Variants in COL4A4 observed in about 807,000 individuals in gnomAD.
COL4A4 encodes the protein collagen alpha-4(IV) chain.
In COL4A4, 105 loss-of-function variants were observed where a neutral mutation model predicts 192.9. The ratio of observed to expected loss-of-function variants is 0.54; its 90% CI spans 0.46 to 0.64. The LOEUF is 0.64. Ranked by LOEUF, COL4A4 falls within the 30% of genes least tolerant of loss-of-function variation. The pLI is 0.00. For synonymous variants in COL4A4, 762 were observed against 769.9 expected (o/e 0.99, Z 0.17); for missense variants, 1,967 against 2,169.3 (o/e 0.91, Z 1.85).
rs547516115 is a variant in COL4A4, at chr2:227,051,656, A to G, written c.2969-498T>C. 4.6e-5 allele frequency among the ~76,000 whole-genome samples: 7 copies of G among 152,348 alleles called. No individual in the cohort carries two copies. The East Asian group carries it at 1.2e-3, about 25-fold the overall frequency. On this transcript the variant is annotated intron_variant, in intron 32 of 47. Coordinates refer to ENST00000396625, the MANE Select transcript of COL4A4 (RefSeq NM_000092.5). ...CTGAATCAGAATCTGCATTTTAACA[A>G]GCTCTCCAGGTGATTAATGTGCTCT... is the stretch of plus-strand genomic sequence containing the variant.
chr2:227,151,517 A>G (rs2063943189), intron 1 of COL4A4, among the ~76,000 whole-genome samples: 1 of 151,218 alleles, frequency 6.6e-6, no homozygotes, highest in Non-Finnish European at 1.5e-5. Context: ...GTAGGTACTA[A>G]TAAAATTTAT....
chr2:227,159,857 A>G (rs2064677995), intron 1 of COL4A4, among the ~76,000 whole-genome samples: 1 of 152,226 alleles, frequency 6.6e-6, no homozygotes. Context: ...TCATGGCAGT[A>G]TGAGAACAGA....
At chr2:227,057,218 A>G (rs993503810) in intron 29 of COL4A4, among the ~76,000 whole-genome samples, 1 of 152,100 alleles carries the variant, frequency 6.6e-6, no homozygotes, top group Non-Finnish European at 1.5e-5. Flanking sequence ...ATGTAATGCA[A>G]CCCACTGTGT....
intron 25 of COL4A4, among the ~76,000 whole-genome samples, chr2:227,064,340 T>C (rs2058163132): frequency 6.6e-6 from 1 of 152,156 alleles, no homozygotes; most frequent in South Asian, 2.1e-4. Context: ...GGCTTTTGAA[T>C]TAACCCAATC....
intron 1 of COL4A4, among the ~76,000 whole-genome samples, chr2:227,151,028 C>T (rs1264449776): frequency 6.6e-6 from 1 of 151,896 alleles, no homozygotes; most frequent in Non-Finnish European, 1.5e-5. Flanking sequence ...ATTTTAGATG[C>T]ATCCAATAAA....
chr2:227,108,771 T>C (rs1366466910), intron 11 of COL4A4, 62 bp downstream of exon 11: 7 of 1,552,272 alleles, frequency 4.5e-6, no homozygotes, highest in East Asian at 4.5e-5. Context: ...CTGACAAATA[T>C]CAGTGGTCAA....
chr2:227,012,228 G>A lies in COL4A4; in HGVS notation c.4286C>T (p.Pro1429Leu). The change falls in exon 45 of 48, where the codon CCC becomes CTC. Residue 1429 changes from proline to leucine, a missense_variant. Transcript: ENST00000396625. ...TTCTCCTGTGTCACCTTTACGTCCGGGAGGCCCAGGAGACCCAGGGACGCC... is the reference window on the plus strand; with the variant it reads ...TTCTCCTGTGTCACCTTTACGTCCGAGAGGCCCAGGAGACCCAGGGACGCC... ...VDGVPGSPGP[P>L]GRKGDTGEDG... 6.2e-7 allele frequency: 1 copy of A among 1,614,064 alleles called. No individual in the cohort carries two copies. The highest frequency in any genetic ancestry group is 2.2e-5 in the East Asian group (1 of 44,874).
chr2:227,135,970 T>C lies in COL4A4; in HGVS notation c.192+4191A>G, dbSNP rs1241165865. Reference sequence around the variant, plus strand: ...CTGAATTTTAGTTTCTTAATTTATGTGTATTAACTGCCTGTTGTGTGCTAT... The same window carrying C: ...CTGAATTTTAGTTTCTTAATTTATGCGTATTAACTGCCTGTTGTGTGCTAT... On this transcript the variant is annotated intron_variant, in intron 4 of 47. Coordinates refer to ENST00000396625, the MANE Select transcript of COL4A4 (RefSeq NM_000092.5). Among the ~76,000 whole-genome samples the C allele has an allele frequency of 2.0e-5, 3 of 152,148 alleles. No homozygotes were observed. The East Asian group carries it at 5.8e-4, about 29-fold the overall frequency.
Position 227,140,170 on chromosome 2 carries a change from C to CT in COL4A4, c.182dup (p.Ser63ValfsTer47). On this transcript the variant is annotated frameshift_variant, in exon 4 of 48. Transcript: ENST00000396625. LOFTEE classifies it high-confidence loss of function. ...TCTTTACATCACTTACCCGAGACCC[C>CT]TTTTCAGGAACACAGTGGCAAACAG... is the stretch of plus-strand genomic sequence containing the variant. 1 of 1,614,014 alleles carries CT rather than the reference C, an allele frequency of 6.2e-7. No individual in the cohort carries two copies. Among genetic ancestry groups the CT allele is most frequent in the South Asian group, 1.1e-5 (1 of 91,084 alleles).
At chr2:227,144,833 C>T (rs1426328155) in intron 2 of COL4A4, among the ~76,000 whole-genome samples, 2 of 151,964 alleles carry the variant, frequency 1.3e-5, no homozygotes, top group Non-Finnish European at 2.9e-5. Context: ...GAAAGTGAGA[C>T]CTGGAGGGAC....
At chr2:226,973,305 C>G in the COL4A4 span, among the ~76,000 whole-genome samples, 1 of 152,196 alleles carries the variant, frequency 6.6e-6, no homozygotes, top group Non-Finnish European at 1.5e-5. Flanking sequence ...TTAAGGAAAT[C>G]ATTACTCAAA....
At chr2:227,142,513 G>A (rs1576832767) in intron 3 of COL4A4, among the ~76,000 whole-genome samples, 2 of 152,122 alleles carry the variant, frequency 1.3e-5, no homozygotes, top group Non-Finnish European at 2.9e-5. Context: ...CAGCACTTTG[G>A]GAGGGCAAGG....
At chr2:226,969,117 A>C in the COL4A4 span, 2 of 180,972 alleles carry the variant, frequency 1.1e-5, no homozygotes, top group East Asian at 2.7e-4. Flanking sequence ...TTCCCATGTC[A>C]GAACACTGAG....
At chr2:227,086,879 C>T (rs1269690836) in intron 22 of COL4A4, among the ~76,000 whole-genome samples, 1 of 152,170 alleles carries the variant, frequency 6.6e-6, no homozygotes, top group East Asian at 1.9e-4. Flanking sequence ...GCATTAAGGA[C>T]CTAGCTTCCT....
At chr2:227,073,265 GA>G (rs1272149398) in intron 25 of COL4A4, among the ~76,000 whole-genome samples, 12 of 151,760 alleles carry the variant, frequency 7.9e-5, no homozygotes, top group Admixed American at 3.3e-4. Context: ...ATCAAGTTGA[GA>G]ATCAAATTAA....
At chr2:226,967,592 C>T in the COL4A4 span, among the ~76,000 whole-genome samples, 1 of 143,666 alleles carries the variant, frequency 7.0e-6, no homozygotes, top group Non-Finnish European at 1.5e-5. Context: ...TCATGATAAC[C>T]TATTAGTGGA....
chr2:227,065,215 C>T (rs920647017), intron 25 of COL4A4, among the ~76,000 whole-genome samples: 10 of 152,218 alleles, frequency 6.6e-5, no homozygotes, highest in African/African-American at 1.4e-4. Context: ...GATCACATCC[C>T]GCACCTGGCT....
At chr2:227,065,017 T>C (rs1292613959) in intron 25 of COL4A4, among the ~76,000 whole-genome samples, 3 of 152,074 alleles carry the variant, frequency 2.0e-5, no homozygotes, top group Non-Finnish European at 4.4e-5. Flanking sequence ...TGGGTGCAGG[T>C]CAGTGGGTGC....
chr2:227,131,163 CTTTTTT>C (rs149428549), intron 4 of COL4A4, among the ~76,000 whole-genome samples: 2 of 125,010 alleles, frequency 1.6e-5, no homozygotes, highest in Non-Finnish European at 3.4e-5. Context: ...TTCTTTCTTT[CTTTTTT>C]TTTTAAGATG....
Sources: gnomAD v4.1 joint callset for allele counts (sites outside exome capture counted in the v4.1 genomes callset) on GRCh38, gnomAD v4.1.1 for gene constraint, MANE v1.5 for transcripts, NCBI Gene and HGNC (gene_info 2026-07-23, HGNC 2026-07-21) for gene names.